The following TRIM41 variants were observed in gnomAD, a reference collection of about 807,000 sequenced individuals.
TRIM41 encodes the protein tripartite motif containing 41, also known as E3 ubiquitin-protein ligase TRIM41.
In TRIM41, 21 loss-of-function variants were observed where a neutral mutation model predicts 60.6. The observed-to-expected ratio is 0.35, with a 90% CI of 0.25 to 0.50. TRIM41 has a LOEUF of 0.50. Ranked by LOEUF, TRIM41 falls within the 20% of genes least tolerant of loss-of-function variation. The probability of loss-of-function intolerance (pLI) is 0.98; values close to 1 mark genes in which losing one functional copy is unlikely to be tolerated. For synonymous variants in TRIM41, 407 were observed against 344.9 expected (o/e 1.18, Z -2.00); for missense variants, 846 against 868.3 (o/e 0.97, Z 0.32).
chr5:181,233,926 T>A lies in TRIM41; in HGVS notation c.1291+163T>A. The A allele has an allele frequency of 7.9e-7, 1 of 1,271,888 alleles. No homozygotes were observed. The highest frequency in any genetic ancestry group is 1.1e-6 in the Non-Finnish European group (1 of 909,564). The allele number at this position is 1,271,888 out of a possible 1,614,324, so 78.8% of individuals were successfully genotyped here. A position where few individuals can be genotyped will look rare whatever the true frequency, so the allele number is the denominator to read the frequency against. ...GTTTCAAGCCATGAGCAGGTAGACCTAGTGCAGGCAGGCCTGGAGGGTGGG... is the reference window on the plus strand; with the variant it reads ...GTTTCAAGCCATGAGCAGGTAGACCAAGTGCAGGCAGGCCTGGAGGGTGGG... On this transcript the variant is annotated intron_variant, in intron 5 of 5. Transcript: ENST00000315073. This position sits in a 1 kb window ranked among gnomAD's most constrained non-coding sequence, Gnocchi z 4.1.
At position 181,234,860 on chromosome 5, in the gene TRIM41, G is replaced by GC; in HGVS notation, c.*86dup. Reference sequence around the variant, plus strand: ...GGCCCGTAAGTTTGAGGGCTCAAAGGCTCTTCCCACTGCTTGTTACTGTGT... The same window carrying GC: ...GGCCCGTAAGTTTGAGGGCTCAAAGGCCTCTTCCCACTGCTTGTTACTGTGT... On this transcript the variant is annotated 3_prime_UTR_variant, in exon 6 of 6. Coordinates refer to ENST00000315073, the MANE Select transcript of TRIM41 (RefSeq NM_033549.5). This position sits in a 1 kb window ranked among gnomAD's most constrained non-coding sequence, Gnocchi z 5.6. 1 of 1,610,518 alleles carries GC rather than the reference G, an allele frequency of 6.2e-7. No homozygotes were observed. Among genetic ancestry groups the GC allele is most frequent in the Non-Finnish European group, 8.5e-7 (1 of 1,179,182 alleles).
chr5:181,229,652 A>G (rs922669985), intron 1 of TRIM41: 2 of 152,296 alleles, frequency 1.3e-5, no homozygotes, highest in Non-Finnish European at 2.9e-5. Context: ...AGAAAGAAGC[A>G]AAGAAGTTGA....
intron 1 of TRIM41, chr5:181,227,359 AT>A: frequency 6.7e-6 from 1 of 148,332 alleles, no homozygotes; most frequent in Non-Finnish European, 1.5e-5. Context: ...TTTTATTTTT[AT>A]TTTTTTTGAG....
chr5:181,224,954 C>A, intron 1 of TRIM41, 142 bp downstream of exon 1: 1 of 1,018,756 alleles, frequency 9.8e-7, no homozygotes, highest in Non-Finnish European at 1.5e-6. Flanking sequence ...TAAGCACTTA[C>A]TGCCACCAAG....
chr5:181,233,953 T>C lies in TRIM41; in HGVS notation c.1291+190T>C. ...GTGCAGGCAGGCCTGGAGGGTGGGGTGGGGTGGAGTGGCAGGAAGAGCCAG... is the reference window on the plus strand; with the variant it reads ...GTGCAGGCAGGCCTGGAGGGTGGGGCGGGGTGGAGTGGCAGGAAGAGCCAG... On this transcript the variant is annotated intron_variant, in intron 5 of 5. Transcript: ENST00000315073. The surrounding 1 kb of genome is among the most constrained non-coding windows in gnomAD (Gnocchi z 4.1). The C allele has an allele frequency of 8.7e-7, 1 of 1,149,366 alleles. No homozygotes were observed. The highest frequency in any genetic ancestry group is 1.2e-6 in the Non-Finnish European group (1 of 810,934). The allele number at this position is 1,149,366 out of a possible 1,614,324, so 71.2% of individuals were successfully genotyped here. A position where few individuals can be genotyped will look rare whatever the true frequency, so the allele number is the denominator to read the frequency against.
chr5:181,230,315 G>A (rs1758734984), intron 1 of TRIM41: 1 of 160,486 alleles, frequency 6.2e-6, no homozygotes, highest in African/African-American at 2.4e-5. Context: ...AGCATGGCGA[G>A]GTGAAACCAC....
rs1758494374 is a variant in TRIM41 at position 181,225,196 on chromosome 5, A to G, written c.813+384A>G. 9 of 289,560 alleles carry G rather than the reference A, an allele frequency of 3.1e-5. No homozygotes were observed. The South Asian group carries it at 3.3e-4, about 11-fold the overall frequency. The allele number at this position is 289,560 out of a possible 1,614,324, so 17.9% of individuals were successfully genotyped here. On this transcript the variant is annotated intron_variant, in intron 1 of 5. Transcript: ENST00000315073. ...AAAGGACAAGAAAAGGCTCAGAAGC[A>G]GGAACACAGAGATAACTGCTAGTGT...
chr5:181,224,512 G>T lies in TRIM41; in HGVS notation c.513G>T (p.Leu171=). ...EEEDLDPVTP[L]PPPPAPRRCF... ...AGGATCTAGACCCCGTCACCCCACTGCCCCCGCCTCCAGCCCCTCGGAGGT... is the reference window on the plus strand; with the variant it reads ...AGGATCTAGACCCCGTCACCCCACTTCCCCCGCCTCCAGCCCCTCGGAGGT... The change falls in exon 1 of 6, where the codon CTG becomes CTT. Residue 171 remains leucine (L), a synonymous_variant. Coordinates refer to ENST00000315073, the MANE Select transcript of TRIM41 (RefSeq NM_033549.5). 1 of 1,612,074 alleles carries T rather than the reference G, an allele frequency of 6.2e-7. No individual in the cohort carries two copies. The highest frequency in any genetic ancestry group is 8.5e-7 in the Non-Finnish European group (1 of 1,178,424).
chr5:181,234,311 G>C lies in TRIM41; in HGVS notation c.1429G>C (p.Gly477Arg). The C allele has an allele frequency of 6.2e-7, 1 of 1,612,330 alleles. No homozygotes were observed. Among genetic ancestry groups the C allele is most frequent in the African/African-American group, 1.3e-5 (1 of 75,026 alleles). Residue 477 changes from glycine to arginine, a missense_variant, in exon 6 of 6, where the codon GGG becomes CGG. Gly to Arg is a moderately radical substitution (Grantham distance 125, BLOSUM62 -2). Transcript: ENST00000315073. This position sits in a 1 kb window ranked among gnomAD's most constrained non-coding sequence, Gnocchi z 5.6. ...CTTCTCGGCCGACTGCTGCGTACTG[G>C]GGGCCCAGGGCTTCCGCTCCGGCCG... ...KRFSADCCVL[G>R]AQGFRSGRHY...
At position 181,233,826 on chromosome 5, in the gene TRIM41, T is replaced by C; in HGVS notation, c.1291+63T>C. 6.2e-7 allele frequency: 1 copy of C among 1,611,208 alleles called. No homozygotes were observed. Reference sequence around the variant, plus strand: ...CCTTCACAGACCTGAGACTGGGTCCTGAGGGAAGTTGGGCCCCAGGGAAAC... The same window carrying C: ...CCTTCACAGACCTGAGACTGGGTCCCGAGGGAAGTTGGGCCCCAGGGAAAC... On this transcript the variant is annotated intron_variant, in intron 5 of 5. Coordinates refer to ENST00000315073, the MANE Select transcript of TRIM41 (RefSeq NM_033549.5). This position sits in a 1 kb window ranked among gnomAD's most constrained non-coding sequence, Gnocchi z 4.1.
rs148662028 is a variant in TRIM41, at chr5:181,233,822, G to T, written c.1291+59G>T. On this transcript the variant is annotated intron_variant, in intron 5 of 5. Coordinates refer to ENST00000315073, the MANE Select transcript of TRIM41 (RefSeq NM_033549.5). The surrounding 1 kb of genome is among the most constrained non-coding windows in gnomAD (Gnocchi z 4.1). ...TTTCCCTTCACAGACCTGAGACTGGGTCCTGAGGGAAGTTGGGCCCCAGGG... is the reference window on the plus strand; with the variant it reads ...TTTCCCTTCACAGACCTGAGACTGGTTCCTGAGGGAAGTTGGGCCCCAGGG... 6.2e-7 allele frequency: 1 copy of T among 1,612,736 alleles called. No individual in the cohort carries two copies. The highest frequency in any genetic ancestry group is 2.2e-5 in the East Asian group (1 of 44,866).
intron 1 of TRIM41, chr5:181,225,218 G>T (rs1758495345): frequency 3.8e-6 from 1 of 260,616 alleles, no homozygotes; most frequent in Non-Finnish European, 7.5e-6. Context: ...ATAACTGCTA[G>T]TGTCAGTGTC....
chr5:181,223,662 G>T lies in TRIM41; in HGVS notation c.-338G>T. The T allele has an allele frequency of 2.1e-6, 1 of 484,646 alleles. No homozygotes were observed. The highest frequency in any genetic ancestry group is 3.6e-6 in the Non-Finnish European group (1 of 275,076). 30.0% of individuals were successfully genotyped at this position (484,646 alleles called of 1,614,324 possible). ...TAGACGCCGGAAGTGTTGGGAAGGA[G>T]GCCGGAAGCTAGGGGCGGGGCCAGG... is the stretch of plus-strand genomic sequence containing the variant. On this transcript the variant is annotated 5_prime_UTR_variant, in exon 1 of 6. The change creates a new upstream start codon in the 5' untranslated region. Coordinates refer to ENST00000315073, the MANE Select transcript of TRIM41 (RefSeq NM_033549.5).
In TRIM41 at chr5:181,223,818, T is replaced by A. The variant is rs1758404335; in HGVS notation, c.-182T>A. ...TCCCCTCGTAGAGACACGGTTGTCG[T>A]TTGGGAGTAGGGAACACTGTGTTGG... On this transcript the variant is annotated 5_prime_UTR_variant, in exon 1 of 6. Transcript: ENST00000315073. 1 of 635,768 alleles carries A rather than the reference T, an allele frequency of 1.6e-6. No homozygotes were observed. The highest frequency in any genetic ancestry group is 2.0e-5 in the African/African-American group (1 of 48,988). The allele number at this position is 635,768 out of a possible 1,614,324, so 39.4% of individuals were successfully genotyped here. A position where few individuals can be genotyped will look rare whatever the true frequency, so the allele number is the denominator to read the frequency against.
At position 181,233,806 on chromosome 5, in the gene TRIM41, A is replaced by G. The variant is rs368103322; in HGVS notation, c.1291+43A>G. On this transcript the variant is annotated intron_variant, in intron 5 of 5. Transcript: ENST00000315073. The surrounding 1 kb of genome is among the most constrained non-coding windows in gnomAD (Gnocchi z 4.1). ...ACGACCTTCCTTTGCCTTTCCCTTC[A>G]CAGACCTGAGACTGGGTCCTGAGGG... 3 of 1,613,806 alleles carry G rather than the reference A, an allele frequency of 1.9e-6. No homozygotes were observed. In the African/African-American group the frequency reaches 4.0e-5, roughly 22 times the overall value.
Position 181,235,492 on chromosome 5 carries a change from A to C in TRIM41, c.*717A>C. ...CCCTTCCCTTTTCCAGCACTCAACC[A>C]AGGAGCAAAGCTCATCCCACCCCAC... is the stretch of plus-strand genomic sequence containing the variant. On this transcript the variant is annotated 3_prime_UTR_variant, in exon 6 of 6. Coordinates refer to ENST00000315073, the MANE Select transcript of TRIM41 (RefSeq NM_033549.5). 3 of 1,514,234 alleles carry C rather than the reference A, an allele frequency of 2.0e-6. No homozygotes were observed. The highest frequency in any genetic ancestry group is 2.7e-6 in the Non-Finnish European group (3 of 1,113,578). 93.8% of individuals were successfully genotyped at this position (1,514,234 alleles called of 1,614,324 possible). A position where few individuals can be genotyped will look rare whatever the true frequency, so the allele number is the denominator to read the frequency against.
rs1335070566 is a variant in TRIM41 at position 181,223,521 on chromosome 5, T to G, written c.-479T>G. On this transcript the variant is annotated 5_prime_UTR_variant, in exon 1 of 6. Coordinates refer to ENST00000315073, the MANE Select transcript of TRIM41 (RefSeq NM_033549.5). ...CTCCACCGTCCTAGCCCTCCCGCCCTGTTCTCTAGTGCGGACTAGAGCGTC... is the reference window on the plus strand; with the variant it reads ...CTCCACCGTCCTAGCCCTCCCGCCCGGTTCTCTAGTGCGGACTAGAGCGTC... The G allele has an allele frequency of 7.1e-6, 3 of 420,358 alleles. No individual in the cohort carries two copies. The highest frequency in any genetic ancestry group is 1.3e-5 in the Non-Finnish European group (3 of 236,962). 26.0% of individuals were successfully genotyped at this position (420,358 alleles called of 1,614,324 possible).
In TRIM41 at chr5:181,235,175, T is replaced by A. The variant is rs920729663; in HGVS notation, c.*400T>A. The A allele has an allele frequency of 1.3e-6, 2 of 1,535,412 alleles. No individual in the cohort carries two copies. The highest frequency in any genetic ancestry group is 1.4e-5 in the African/African-American group (1 of 73,376). On this transcript the variant is annotated 3_prime_UTR_variant, in exon 6 of 6. Transcript: ENST00000315073. ...TTATCAGTTCTGAGGCTGGAGGGTT[T>A]GGGCAAGGCAACATCCCCATTCCAA...
Position 181,223,294 on chromosome 5 carries a change from G to T in TRIM41, c.-706G>T. 2.5e-6 allele frequency: 1 copy of T among 399,088 alleles called. No individual in the cohort carries two copies. Among genetic ancestry groups the T allele is most frequent in the Admixed American group, 4.4e-5 (1 of 22,784 alleles). 24.7% of individuals were successfully genotyped at this position (399,088 alleles called of 1,614,324 possible). On this transcript the variant is annotated 5_prime_UTR_variant, in exon 1 of 6. Coordinates refer to ENST00000315073, the MANE Select transcript of TRIM41 (RefSeq NM_033549.5). ...ACCCACCCCCTCGCTTCCGGCATCG[G>T]CTGTGGGGAGTACCGGCTGCAGTCG...
Sources: allele counts gnomAD v4.1 joint callset, GRCh38; gene constraint gnomAD v4.1.1; non-coding constraint Gnocchi (gnomAD v3.1); transcripts MANE v1.5; gene names NCBI Gene and HGNC (gene_info 2026-07-23, HGNC 2026-07-21).